The following CA10 variants were observed in gnomAD, a reference collection of about 807,000 sequenced individuals.
CA10 encodes the protein carbonic anhydrase 10 (inactive), also known as carbonic anhydrase-related protein 10.
In CA10, 14 loss-of-function variants were observed where a neutral mutation model predicts 44.2. That is an observed-to-expected ratio of 0.32 (90% CI 0.21 to 0.50). The LOEUF (loss-of-function observed/expected upper bound fraction) is 0.50. Ranked by LOEUF, CA10 falls within the 20% of genes least tolerant of loss-of-function variation. The pLI is 0.99. For missense variants in CA10, 350 were observed against 409.7 expected (o/e 0.85, Z 1.26); for synonymous variants, 159 against 141.6 (o/e 1.12, Z -0.87).
chr17:52,156,975 A>C (rs1989816538), intron 1 of CA10, among the ~76,000 whole-genome samples: 1 of 152,166 alleles, frequency 6.6e-6, no homozygotes, highest in African/African-American at 2.4e-5. Context: ...ACACTCAGGC[A>C]CAGGTGTCCA....
Position 52,158,328 on chromosome 17 carries a change from A to G in CA10, c.-542T>C, listed in dbSNP as rs1173046479. 5.1e-6 allele frequency: 1 copy of G among 196,436 alleles called. No homozygotes were observed. The allele number at this position is 196,436 out of a possible 1,614,324, so 12.2% of individuals were successfully genotyped here. A position where few individuals can be genotyped will look rare whatever the true frequency, so the allele number is the denominator to read the frequency against. On this transcript the variant is annotated 5_prime_UTR_variant, in exon 1 of 9. The change abolishes an upstream ATG in the 5' untranslated region. Transcript: ENST00000451037. ...CGAAGTCCGCCCCCCTCACCGGGGCATGGTCGGAGGGTGGCTGCTGCGCTC... is the reference window on the plus strand; with the variant it reads ...CGAAGTCCGCCCCCCTCACCGGGGCGTGGTCGGAGGGTGGCTGCTGCGCTC...
At chr17:52,147,396 T>C (rs1989611953) in intron 1 of CA10, among the ~76,000 whole-genome samples, 1 of 152,046 alleles carries the variant, frequency 6.6e-6, no homozygotes, top group African/African-American at 2.4e-5. Flanking sequence ...CAACTCTCAT[T>C]CATGAAGTTG....
chr17:52,049,304 T>C (rs535667450), intron 2 of CA10, among the ~76,000 whole-genome samples: 1 of 152,248 alleles, frequency 6.6e-6, no homozygotes, highest in South Asian at 2.1e-4. Context: ...CTGATTCTGC[T>C]ACTTACTAGC....
Position 52,037,322 on chromosome 17 carries a change from G to A in CA10, c.136+34997C>T, listed in dbSNP as rs187336648. Among the ~76,000 whole-genome samples, 24 of 152,220 alleles carry A rather than the reference G, an allele frequency of 1.6e-4. No individual in the cohort carries two copies. In the East Asian group the frequency reaches 4.5e-3, roughly 28 times the overall value. On this transcript the variant is annotated intron_variant, in intron 2 of 8. Transcript: ENST00000451037. ...AAGAAGTAGAAAAGAAGAATCATGA[G>A]ACAGCATCCAAGTAGCTAAGAGAGA...
chr17:51,939,030 T>C lies in CA10; in HGVS notation c.137-7898A>G, dbSNP rs145978691. ...TATAAAGCAAGAGGTAATCATCTCT[T>C]CCTCCTTCCAGTAACATCCTGAGGA... is the stretch of plus-strand genomic sequence containing the variant. On this transcript the variant is annotated intron_variant, in intron 2 of 8. Coordinates refer to ENST00000451037, the MANE Select transcript of CA10 (RefSeq NM_020178.5). 3.0e-3 allele frequency among the ~76,000 whole-genome samples: 463 copies of C among 152,164 alleles called. 4 individuals carry two copies. Among genetic ancestry groups the C allele is most frequent in the Middle Eastern group, 6.8e-3 (2 of 294 alleles).
chr17:51,684,964 C>G (rs1914960436), intron 4 of CA10, among the ~76,000 whole-genome samples: 1 of 152,294 alleles, frequency 6.6e-6, no homozygotes, highest in Non-Finnish European at 1.5e-5. Context: ...GAATTCCTGA[C>G]TGCAAAAATT....
At chr17:52,127,973 A>G (rs1275745365) in intron 1 of CA10, among the ~76,000 whole-genome samples, 2 of 152,228 alleles carry the variant, frequency 1.3e-5, no homozygotes, top group African/African-American at 4.8e-5. Context: ...ATACATCCTC[A>G]GAATAACTCT....
At chr17:51,668,293 T>C (rs1567796037) in intron 4 of CA10, among the ~76,000 whole-genome samples, 1 of 152,218 alleles carries the variant, frequency 6.6e-6, no homozygotes, top group Non-Finnish European at 1.5e-5. Context: ...AGACTCAGTC[T>C]TGGCCTCAAG....
Position 51,722,148 on chromosome 17 carries a change from A to G in CA10, c.465+25485T>C, listed in dbSNP as rs116426772. Reference sequence around the variant, plus strand: ...TGTAGAACCGTCAGCTGGTGTTTGGAGAACTGGAGAATTTGCTGGTGTTAA... The same window carrying G: ...TGTAGAACCGTCAGCTGGTGTTTGGGGAACTGGAGAATTTGCTGGTGTTAA... On this transcript the variant is annotated intron_variant, in intron 4 of 8. Coordinates refer to ENST00000451037, the MANE Select transcript of CA10 (RefSeq NM_020178.5). Among the ~76,000 whole-genome samples, 892 of 152,224 alleles carry G rather than the reference A, an allele frequency of 5.9e-3. 6 individuals carry two copies. Among genetic ancestry groups the G allele is most frequent in the African/African-American group, 0.02 (847 of 41,534 alleles).
intron 2 of CA10, among the ~76,000 whole-genome samples, chr17:51,956,793 A>C (rs1248689188): frequency 6.6e-6 from 1 of 152,064 alleles, no homozygotes; most frequent in Non-Finnish European, 1.5e-5. Flanking sequence ...TTAGACCTAC[A>C]AAAAAGCAGA....
At chr17:51,664,557 C>CA (rs11367609) in intron 4 of CA10, among the ~76,000 whole-genome samples, 3,394 of 137,132 alleles carry the variant, frequency 0.025, 130 homozygotes, top group African/African-American at 0.086. Flanking sequence ...ATGAAGTATA[C>CA]AAAAAAAAAA....
At chr17:51,646,948 T>A (rs1274157118) in intron 6 of CA10, among the ~76,000 whole-genome samples, 1 of 152,144 alleles carries the variant, frequency 6.6e-6, no homozygotes, top group Non-Finnish European at 1.5e-5. Flanking sequence ...ATTCCTGTTA[T>A]TAGGGGGCCT....
chr17:52,084,763 C>T (rs1459590742), intron 1 of CA10, among the ~76,000 whole-genome samples: 2 of 152,102 alleles, frequency 1.3e-5, no homozygotes, highest in African/African-American at 2.4e-5. Flanking sequence ...TCCCCTTCTT[C>T]CTTAACAAGG....
chr17:51,774,918 A>G (rs1411047596), intron 3 of CA10, among the ~76,000 whole-genome samples: 2 of 152,142 alleles, frequency 1.3e-5, no homozygotes, highest in African/African-American at 4.8e-5. Flanking sequence ...CCATTTCTCC[A>G]AGCACTTATA....
chr17:51,779,065 TATA>T (rs1033413773), intron 3 of CA10, among the ~76,000 whole-genome samples: 3 of 152,060 alleles, frequency 2.0e-5, no homozygotes, highest in Non-Finnish European at 2.9e-5. Context: ...AACAGAAAAC[TATA>T]ATAATACTGA....
At chr17:51,831,693 G>GCAGCAT (rs968557824) in intron 3 of CA10, among the ~76,000 whole-genome samples, 11 of 80,960 alleles carry the variant, frequency 1.4e-4, no homozygotes, top group African/African-American at 3.7e-4. Context: ...AGCAGCAGCA[G>GCAGCAT]CAGCAGCAGC....
In CA10 at chr17:51,932,087, G is replaced by A. The variant is rs370126751; in HGVS notation, c.137-955C>T. On this transcript the variant is annotated intron_variant, in intron 2 of 8. Coordinates refer to ENST00000451037, the MANE Select transcript of CA10 (RefSeq NM_020178.5). ...GCAGTGAACTCCTATTTGGCATCAC[G>A]CACTGGGTTAGGCTGAATCTCGAGG... 1.1e-4 allele frequency among the ~76,000 whole-genome samples: 17 copies of A among 152,034 alleles called. No homozygotes were observed. In the South Asian group the frequency reaches 1.5e-3, roughly 13 times the overall value.
At chr17:51,884,600 C>T (rs771637426) in intron 3 of CA10, among the ~76,000 whole-genome samples, 11 of 152,142 alleles carry the variant, frequency 7.2e-5, no homozygotes, top group Admixed American at 3.3e-4. Flanking sequence ...TCTGTATTTC[C>T]GAACCTTTTC....
At chr17:51,906,866 G>C (rs1981577775) in intron 3 of CA10, among the ~76,000 whole-genome samples, 2 of 152,104 alleles carry the variant, frequency 1.3e-5, no homozygotes, top group African/African-American at 4.8e-5. Flanking sequence ...GTTTGAAACA[G>C]ATATTGCACT....
Sources: allele counts gnomAD v4.1 joint callset (sites outside exome capture counted in the v4.1 genomes callset), GRCh38; gene constraint gnomAD v4.1.1; transcripts MANE v1.5; gene names NCBI Gene and HGNC (gene_info 2026-07-23, HGNC 2026-07-21).